Variants in GABBR2 observed in about 807,000 individuals in gnomAD.
GABBR2 encodes gamma-aminobutyric acid type B receptor subunit 2.
GABBR2 carries 23 observed loss-of-function variants against 105.6 expected under a neutral mutation model. The observed-to-expected ratio is 0.22, with a 90% CI of 0.16 to 0.31. The LOEUF (loss-of-function observed/expected upper bound fraction) is 0.31, where lower values mean the gene tolerates loss of function less well. GABBR2 is among the 10% of genes least tolerant of loss of function. The probability of loss-of-function intolerance (pLI) is 1.00; values close to 1 mark genes in which losing one functional copy is unlikely to be tolerated. For synonymous variants in GABBR2, 478 were observed against 499.7 expected (o/e 0.96, Z 0.58); for missense variants, 734 against 1,245.5 (o/e 0.59, Z 6.18).
At chr9:98,546,561 T>C (rs1828406017) in intron 2 of GABBR2, among the ~76,000 whole-genome samples, 1 of 152,236 alleles carries the variant, frequency 6.6e-6, no homozygotes, top group South Asian at 2.1e-4. Flanking sequence ...TTGCTTTTTG[T>C]TTGATACTGT....
chr9:98,609,577 A>T (rs1321334996), intron 1 of GABBR2, among the ~76,000 whole-genome samples: 1 of 152,166 alleles, frequency 6.6e-6, no homozygotes, highest in Non-Finnish European at 1.5e-5. Flanking sequence ...CCTAAGCCCT[A>T]AGCAATGAGT....
At chr9:98,326,855 G>A (rs1308848454) in intron 13 of GABBR2, among the ~76,000 whole-genome samples, 3 of 152,200 alleles carry the variant, frequency 2.0e-5, no homozygotes, top group Non-Finnish European at 4.4e-5. Flanking sequence ...AAACTATTTT[G>A]TGAGAAAAGT....
intron 1 of GABBR2, among the ~76,000 whole-genome samples, chr9:98,628,559 T>C (rs917697246): frequency 9.9e-5 from 15 of 152,172 alleles, no homozygotes; most frequent in Non-Finnish European, 2.2e-4. Flanking sequence ...ATATAAAAAG[T>C]ATATCCATGG....
chr9:98,457,534 T>A (rs901045370), intron 6 of GABBR2, among the ~76,000 whole-genome samples: 9 of 152,194 alleles, frequency 5.9e-5, no homozygotes, highest in Non-Finnish European at 1.3e-4. Context: ...ATGCCACTTG[T>A]AAACTCATCT....
At chr9:98,481,367 C>T (rs1465165192) in intron 4 of GABBR2, among the ~76,000 whole-genome samples, 1 of 152,222 alleles carries the variant, frequency 6.6e-6, no homozygotes, top group Non-Finnish European at 1.5e-5. Flanking sequence ...CTTTCTTCCA[C>T]ACTTTACATA....
At chr9:98,514,652 G>T (rs1827721360) in intron 3 of GABBR2, among the ~76,000 whole-genome samples, 1 of 111,698 alleles carries the variant, frequency 9.0e-6, no homozygotes, top group African/African-American at 3.3e-5. Context: ...ACTGTTGTAG[G>T]GTGGGGGGAG....
chr9:98,448,514 T>C (rs991810473), intron 7 of GABBR2, among the ~76,000 whole-genome samples: 1 of 152,192 alleles, frequency 6.6e-6, no homozygotes. Flanking sequence ...CCTCCTGGGC[T>C]CAGGTGATCC....
intron 3 of GABBR2, among the ~76,000 whole-genome samples, chr9:98,536,112 T>C (rs544410330): frequency 6.6e-6 from 1 of 152,308 alleles, no homozygotes; most frequent in East Asian, 1.9e-4. Context: ...TGTACCTTAC[T>C]CTCAATTTTG....
intron 13 of GABBR2, among the ~76,000 whole-genome samples, chr9:98,348,674 AT>A (rs555878894): frequency 6.6e-6 from 1 of 152,022 alleles, no homozygotes; most frequent in South Asian, 2.1e-4. Context: ...ATTCCTAGAC[AT>A]TTTTTGTAGC....
chr9:98,482,284 A>G (rs960412866), intron 4 of GABBR2, among the ~76,000 whole-genome samples: 1 of 152,214 alleles, frequency 6.6e-6, no homozygotes, highest in Non-Finnish European at 1.5e-5. Flanking sequence ...CAAAATAAAG[A>G]AGGCCTGGAT....
At chr9:98,582,383 G>A (rs1023617398) in intron 1 of GABBR2, among the ~76,000 whole-genome samples, 1 of 152,184 alleles carries the variant, frequency 6.6e-6, no homozygotes, top group Non-Finnish European at 1.5e-5. Context: ...CCAATAACCA[G>A]AATGAGCCTG....
chr9:98,512,749 T>C (rs1344866888), intron 3 of GABBR2, among the ~76,000 whole-genome samples: 2 of 152,074 alleles, frequency 1.3e-5, no homozygotes, highest in East Asian at 3.9e-4. Context: ...CTCAATGAAA[T>C]AAAACAGGAT....
chr9:98,591,935 G>A (rs1829151749), intron 1 of GABBR2, among the ~76,000 whole-genome samples: 1 of 152,212 alleles, frequency 6.6e-6, no homozygotes. Context: ...AGCAAAGCAG[G>A]CTATACTTTG....
chr9:98,611,064 A>G (rs1564130332), intron 1 of GABBR2, among the ~76,000 whole-genome samples: 1 of 152,112 alleles, frequency 6.6e-6, no homozygotes, highest in East Asian at 1.9e-4. Context: ...CTGCTTTCTC[A>G]AGTCTCCCTC....
At chr9:98,329,131 T>C (rs1390778820) in intron 13 of GABBR2, among the ~76,000 whole-genome samples, 1 of 152,174 alleles carries the variant, frequency 6.6e-6, no homozygotes, top group African/African-American at 2.4e-5. Context: ...TGATGACATA[T>C]GCACTCAGAA....
intron 1 of GABBR2, among the ~76,000 whole-genome samples, chr9:98,578,365 G>A (rs866705225): frequency 4.6e-4 from 70 of 151,916 alleles, no homozygotes; most frequent in African/African-American, 1.5e-3. Context: ...ATAATGCCTC[G>A]CCCTGGGATC....
Position 98,459,279 on chromosome 9 carries a change from T to C in GABBR2, c.1000-5062A>G, listed in dbSNP as rs534523747. On this transcript the variant is annotated intron_variant, in intron 6 of 18. Transcript: ENST00000259455. ...ACATTTAGAAAAGCAGAATAAAATA[T>C]TAAAATAGCTATTCAAAGACATCAG... Among the ~76,000 whole-genome samples, 6 of 152,308 alleles carry C rather than the reference T, an allele frequency of 3.9e-5. No individual in the cohort carries two copies. In the South Asian group the frequency reaches 1.0e-3, roughly 26 times the overall value.
At chr9:98,589,866 C>G (rs1003551459) in intron 1 of GABBR2, among the ~76,000 whole-genome samples, 33 of 152,096 alleles carry the variant, frequency 2.2e-4, no homozygotes, top group Middle Eastern at 3.4e-3. Context: ...AGGTGCACAC[C>G]ACCACCACCA....
chr9:98,609,761 C>T (rs181254697), intron 1 of GABBR2, among the ~76,000 whole-genome samples: 1 of 152,344 alleles, frequency 6.6e-6, no homozygotes, highest in East Asian at 1.9e-4. Context: ...GCCAGTGGCA[C>T]AGCCCTTACA....
Sources: allele counts gnomAD v4.1 joint callset (sites outside exome capture counted in the v4.1 genomes callset), GRCh38; gene constraint gnomAD v4.1.1; transcripts MANE v1.5; gene names NCBI Gene and HGNC (gene_info 2026-07-23, HGNC 2026-07-21).